Variants in HAPLN1 observed in about 807,000 individuals in gnomAD.
The protein encoded by HAPLN1 is hyaluronan and proteoglycan link protein 1.
HAPLN1 carries 13 observed loss-of-function variants against 36.5 expected under a neutral mutation model. The ratio of observed to expected loss-of-function variants is 0.36; its 90% CI spans 0.23 to 0.57. The LOEUF is 0.57. Ranked by LOEUF, HAPLN1 falls within the 20% of genes least tolerant of loss-of-function variation. HAPLN1 has a pLI of 0.83. For synonymous variants in HAPLN1, 202 were observed against 169.8 expected, an observed-to-expected ratio of 1.19 and a Z score of -1.48; for missense variants, 407 against 439.7, an observed-to-expected ratio of 0.93 and a Z score of 0.66.
At chr5:83,698,591 T>C (rs1056445622) in intron 1 of HAPLN1, among the ~76,000 whole-genome samples, 5 of 152,192 alleles carry the variant, frequency 3.3e-5, no homozygotes, top group Non-Finnish European at 5.9e-5. Context: ...CCCCTAGTAG[T>C]AGTTCATGAA....
At chr5:83,707,605 A>G (rs1751681796) in intron 1 of HAPLN1, among the ~76,000 whole-genome samples, 1 of 152,226 alleles carries the variant, frequency 6.6e-6, no homozygotes, top group Non-Finnish European at 1.5e-5. Flanking sequence ...AAAAACTTAA[A>G]TGTAAAACTA....
At chr5:83,678,636 T>A (rs371439873) in intron 1 of HAPLN1, among the ~76,000 whole-genome samples, 1 of 152,100 alleles carries the variant, frequency 6.6e-6, no homozygotes, top group Non-Finnish European at 1.5e-5. Context: ...CTGAAGCCAA[T>A]ACGACTGCCC....
At chr5:83,644,242 A>G in intron 4 of HAPLN1, 121 bp downstream of exon 4, 1 of 822,654 alleles carries the variant, frequency 1.2e-6, no homozygotes, top group Non-Finnish European at 1.7e-6. Context: ...AAACTACAGC[A>G]AAACTTCAAA....
At chr5:83,687,169 T>A (rs1751147593) in intron 1 of HAPLN1, among the ~76,000 whole-genome samples, 1 of 152,172 alleles carries the variant, frequency 6.6e-6, no homozygotes, top group African/African-American at 2.4e-5. Context: ...ATTCATTTAA[T>A]TTCAGTGCTG....
intron 3 of HAPLN1, among the ~76,000 whole-genome samples, chr5:83,647,424 T>C (rs1300416981): frequency 6.6e-6 from 1 of 152,230 alleles, no homozygotes; most frequent in Non-Finnish European, 1.5e-5. Context: ...TTTAAAACTT[T>C]CCTTGTATTC....
At chr5:83,662,601 A>G (rs1750436678) in intron 2 of HAPLN1, among the ~76,000 whole-genome samples, 1 of 152,238 alleles carries the variant, frequency 6.6e-6, no homozygotes, top group African/African-American at 2.4e-5. Flanking sequence ...TTCTTAATAT[A>G]AACATACTCT....
At chr5:83,651,226 T>C (rs1365344329) in intron 3 of HAPLN1, among the ~76,000 whole-genome samples, 2 of 152,162 alleles carry the variant, frequency 1.3e-5, no homozygotes. Flanking sequence ...CTGCCCCAGT[T>C]ACAAAACTGA....
At chr5:83,669,850 T>C (rs1750656713) in intron 2 of HAPLN1, among the ~76,000 whole-genome samples, 6 of 152,164 alleles carry the variant, frequency 3.9e-5, no homozygotes, top group Admixed American at 3.9e-4. Context: ...TAAGCAGGCA[T>C]TAGGTCTGAT....
intron 3 of HAPLN1, among the ~76,000 whole-genome samples, chr5:83,645,160 A>T (rs1001891997): frequency 6.6e-6 from 1 of 152,182 alleles, no homozygotes; most frequent in African/African-American, 2.4e-5. Flanking sequence ...AAAATTCACA[A>T]TGTTTTTCTT....
intron 1 of HAPLN1, among the ~76,000 whole-genome samples, chr5:83,712,884 C>CA (rs201001436): frequency 0.39 from 38,633 of 100,240 alleles, 4,953 homozygotes; most frequent in East Asian, 0.47. Flanking sequence ...AGAACCTGGA[C>CA]AAAAAAAAAA....
intron 1 of HAPLN1, chr5:83,675,485 G>T (rs368137423): frequency 6.6e-6 from 1 of 152,170 alleles, no homozygotes; most frequent in Middle Eastern, 3.4e-3. Context: ...AATTTATAGG[G>T]AGCTGTATAT....
intron 2 of HAPLN1, among the ~76,000 whole-genome samples, chr5:83,671,023 A>G (rs1484916701): frequency 1.3e-5 from 2 of 151,930 alleles, no homozygotes; most frequent in Non-Finnish European, 2.9e-5. Flanking sequence ...TAATATCCAG[A>G]TTAAACTTTT....
chr5:83,671,266 A>C (rs1750711021), intron 2 of HAPLN1, among the ~76,000 whole-genome samples: 1 of 152,194 alleles, frequency 6.6e-6, no homozygotes, highest in Non-Finnish European at 1.5e-5. Flanking sequence ...AAAATAGGAG[A>C]GAGTAATGAT....
intron 1 of HAPLN1, among the ~76,000 whole-genome samples, chr5:83,719,300 T>C (rs1751976055): frequency 6.6e-6 from 1 of 152,246 alleles, no homozygotes; most frequent in Admixed American, 6.5e-5. Flanking sequence ...TACTGGCCTC[T>C]GGGTACATTC....
intron 3 of HAPLN1, chr5:83,652,209 G>C (rs973433425): frequency 2.3e-6 from 1 of 426,740 alleles, no homozygotes; most frequent in Admixed American, 4.0e-5. Flanking sequence ...TGTTAATTCA[G>C]TTCCACTGCA....
rs1749624356 is a variant in HAPLN1 at position 83,639,689 on chromosome 5, T to C, written c.*1807A>G. On this transcript the variant is annotated 3_prime_UTR_variant, in exon 5 of 5. Coordinates refer to ENST00000274341, the MANE Select transcript of HAPLN1 (RefSeq NM_001884.4). ...CAAGTTCTATTTATACCACCAGTGT[T>C]TGAGTTTAAACTTTACAAACTCTTT... 6.6e-6 allele frequency: 1 copy of C among 152,102 alleles called. No homozygotes were observed. Among genetic ancestry groups the C allele is most frequent in the Non-Finnish European group, 1.5e-5 (1 of 67,944 alleles). 9.4% of individuals were successfully genotyped at this position (152,102 alleles called of 1,614,324 possible). A position where few individuals can be genotyped will look rare whatever the true frequency, so the allele number is the denominator to read the frequency against.
rs930078747 is a variant in HAPLN1 at position 83,641,357 on chromosome 5, C to A, written c.*139G>T. ...ACAAAAAACAAATCAATGAATTGAT[C>A]TTTATGAAAATGACTCTTTACAGTA... is the stretch of plus-strand genomic sequence containing the variant. On this transcript the variant is annotated 3_prime_UTR_variant, in exon 5 of 5. Transcript: ENST00000274341. The A allele has an allele frequency of 3.2e-6, 2 of 619,508 alleles. No homozygotes were observed. The highest frequency in any genetic ancestry group is 5.3e-6 in the Non-Finnish European group (2 of 376,358). 38.4% of individuals were successfully genotyped at this position (619,508 alleles called of 1,614,324 possible).
chr5:83,656,397 G>C (rs192085526), intron 2 of HAPLN1, among the ~76,000 whole-genome samples: 1 of 121,544 alleles, frequency 8.2e-6, no homozygotes, highest in Admixed American at 8.3e-5. Context: ...AAATGCAAAA[G>C]ATAAAAATAA....
chr5:83,712,561 C>T (rs1751815133), intron 1 of HAPLN1, among the ~76,000 whole-genome samples: 1 of 151,946 alleles, frequency 6.6e-6, no homozygotes, highest in South Asian at 2.1e-4. Context: ...TTATTTAGAT[C>T]ATCTTTTTAA....
Sources: gnomAD v4.1 joint callset for allele counts (sites outside exome capture counted in the v4.1 genomes callset) on GRCh38, gnomAD v4.1.1 for gene constraint, MANE v1.5 for transcripts, NCBI Gene and HGNC (gene_info 2026-07-23, HGNC 2026-07-21) for gene names.